CCDC57: variants seen among roughly 807,000 people sequenced by gnomAD.
CCDC57 encodes coiled-coil domain containing 57.
In CCDC57, 118 loss-of-function variants were observed where a neutral mutation model predicts 118.9. That is an observed-to-expected ratio of 0.99 (90% CI 0.86 to 1.16). The LOEUF (loss-of-function observed/expected upper bound fraction) is 1.16, where lower values mean the gene tolerates loss of function less well. Among genes scored for constraint, CCDC57 ranks in the 50% most tolerant of loss-of-function variants. The pLI is 0.00. For missense variants in CCDC57, 1,300 were observed against 1,320.7 expected (o/e 0.98, Z 0.24); for synonymous variants, 527 against 532.9 (o/e 0.99, Z 0.15).
At chr17:82,201,058 T>C (rs1599441166) in intron 3 of CCDC57, among the ~76,000 whole-genome samples, 1 of 152,074 alleles carries the variant, frequency 6.6e-6, no homozygotes, top group Non-Finnish European at 1.5e-5. Flanking sequence ...CATGGCTGGG[T>C]GAGTGGAGCT....
At chr17:82,153,075 CT>C (rs893800457) in intron 15 of CCDC57, among the ~76,000 whole-genome samples, 4 of 152,212 alleles carry the variant, frequency 2.6e-5, no homozygotes, top group Non-Finnish European at 4.4e-5. Flanking sequence ...GGCCTCATGC[CT>C]GCTCCGTGAG....
chr17:82,172,600 TTCC>T lies in CCDC57; in HGVS notation c.1729+35_1729+37del. ...CTGTCCTCCTCCCTCCCTCTCCCCC[TTCC>T]TCTCCCGCTCTGTCCGTTTCTCCCA... On this transcript the variant is annotated intron_variant, in intron 12 of 19. Transcript: ENST00000665763. This position sits in a 1 kb window ranked among gnomAD's most constrained non-coding sequence, Gnocchi z 5.2. 6.6e-7 allele frequency: 1 copy of T among 1,525,302 alleles called. No homozygotes were observed. Among genetic ancestry groups the T allele is most frequent in the Non-Finnish European group, 8.9e-7 (1 of 1,124,968 alleles). 94.5% of individuals were successfully genotyped at this position (1,525,302 alleles called of 1,614,324 possible). A position where few individuals can be genotyped will look rare whatever the true frequency, so the allele number is the denominator to read the frequency against.
rs577342436 is a variant in CCDC57, at chr17:82,195,312, C to T, written c.569G>A (p.Arg190His). Residue 190 changes from arginine (R) to histidine (H), a missense_variant, in exon 5 of 20, where the codon CGT becomes CAT. By Grantham distance (29) the Arg-to-His change is conservative (BLOSUM62 0). Coordinates refer to ENST00000665763, the Ensembl canonical transcript of CCDC57. ...GTTGCTCATGTTGTCAGCCTGCAGA[C>T]GGAATTCGTGCTCCCTCTTCCGCAT... The T allele has an allele frequency of 3.0e-4, 478 of 1,602,728 alleles. 2 individuals are homozygous for T. The highest frequency in any genetic ancestry group is 2.3e-3 in the South Asian group (201 of 88,240).
chr17:82,210,192 T>C (rs529101277), intron 1 of CCDC57, among the ~76,000 whole-genome samples: 155 of 152,076 alleles, frequency 1.0e-3, no homozygotes, highest in African/African-American at 3.7e-3. Context: ...AATAAAAAGA[T>C]GCACTAACAC....
At chr17:82,113,203 G>C (rs1245676805) in intron 19 of CCDC57, 3 of 598,244 alleles carry the variant, frequency 5.0e-6, no homozygotes, top group Non-Finnish European at 8.9e-6. Context: ...GAAGCCACAG[G>C]TCATGATAAT....
intron 19 of CCDC57, among the ~76,000 whole-genome samples, chr17:82,114,530 A>G (rs1315749792): frequency 6.6e-6 from 1 of 152,220 alleles, no homozygotes; most frequent in Non-Finnish European, 1.5e-5. Flanking sequence ...GACCCCAGGC[A>G]GGGGAGGGAG....
chr17:82,171,912 C>T, intron 12 of CCDC57, 59 bp from the exon 12 acceptor site: 3 of 1,564,650 alleles, frequency 1.9e-6, no homozygotes, highest in Non-Finnish European at 2.6e-6. Context: ...GCACCTCCCT[C>T]CTGTGAGCAC....
chr17:82,191,703 G>C (rs1036596356), intron 7 of CCDC57, among the ~76,000 whole-genome samples: 5 of 152,038 alleles, frequency 3.3e-5, no homozygotes, highest in Non-Finnish European at 7.4e-5. Flanking sequence ...GTCTCACTTT[G>C]TCACCCAGGG....
In CCDC57 at chr17:82,128,479, G is replaced by T; in HGVS notation, c.2682+14C>A. On this transcript the variant is annotated intron_variant, in intron 18 of 19. Coordinates refer to ENST00000665763, the Ensembl canonical transcript of CCDC57. ...CCCACACAGCTGCACTTGCTCGGGC[G>T]CCGCCACTCTCACCTTCGGGCCTTG... The T allele has an allele frequency of 1.3e-6, 2 of 1,533,256 alleles. No homozygotes were observed. The allele number at this position is 1,533,256 out of a possible 1,614,324, so 95.0% of individuals were successfully genotyped here.
rs888649650 is a variant in CCDC57 at position 82,195,127 on chromosome 17, G to T, written c.618+136C>A. ...GGGCATCCACATGGCCCACCTGCTC[G>T]CTGGGCTTGAACTCCTGGGCCCAAG... On this transcript the variant is annotated intron_variant, in intron 5 of 19. Coordinates refer to ENST00000665763, the Ensembl canonical transcript of CCDC57. 11 of 697,786 alleles carry T rather than the reference G, an allele frequency of 1.6e-5. No homozygotes were observed. In the Admixed American group the frequency reaches 1.8e-4, roughly 12 times the overall value. The allele number at this position is 697,786 out of a possible 1,614,324, so 43.2% of individuals were successfully genotyped here.
chr17:82,125,165 C>T (rs1280793822), intron 19 of CCDC57, among the ~76,000 whole-genome samples: 1 of 152,092 alleles, frequency 6.6e-6, no homozygotes, highest in Non-Finnish European at 1.5e-5. Flanking sequence ...GAAGCTGCGT[C>T]AATCCTAAGA....
At position 82,182,281 on chromosome 17, in the gene CCDC57, CA is replaced by C. The variant is rs35054649; in HGVS notation, c.1211+1492del. Among the ~76,000 whole-genome samples, 1,103 of 126,952 alleles carry C rather than the reference CA, an allele frequency of 8.7e-3. 11 individuals carry two copies. The highest frequency in any genetic ancestry group is 0.025 in the African/African-American group (854 of 34,114). The allele number at this position is 126,952 out of a possible 152,430, so 83.3% of individuals were successfully genotyped here. A position where few individuals can be genotyped will look rare whatever the true frequency, so the allele number is the denominator to read the frequency against. ...TATTTCAGTCAATGGAAGTATTTAA[CA>C]AAAAAAAAAAAGAATGCTGGAAGGA... On this transcript the variant is annotated intron_variant, in intron 9 of 19. Coordinates refer to ENST00000665763, the Ensembl canonical transcript of CCDC57.
chr17:82,101,752 C>G, exon 20 of CCDC57: 1 of 1,609,708 alleles, frequency 6.2e-7, no homozygotes, highest in South Asian at 1.1e-5. Context: ...AGGATGAGAC[C>G]GGGAGGCTCC....
At chr17:82,151,147 G>GAACCTGGCGCACACCCAGAACCTGACCCA (rs778159567) in intron 16 of CCDC57, among the ~76,000 whole-genome samples, 2 of 36,788 alleles carry the variant, frequency 5.4e-5, no homozygotes, top group African/African-American at 1.3e-4. Flanking sequence ...AACCTGACCC[G>GAACCTGGCGCACACCCAGAACCTGACCCA]CACCTAGAAC....
chr17:82,197,706 G>A (rs954702362), intron 4 of CCDC57, among the ~76,000 whole-genome samples: 2 of 152,218 alleles, frequency 1.3e-5, no homozygotes, highest in Non-Finnish European at 1.5e-5. Flanking sequence ...GGTGTTTCCA[G>A]AAGAGACTAG....
intron 19 of CCDC57, among the ~76,000 whole-genome samples, chr17:82,115,190 AC>A (rs1354564730): frequency 1.3e-5 from 2 of 151,252 alleles, no homozygotes; most frequent in Non-Finnish European, 2.9e-5. Flanking sequence ...TGCGGCAACC[AC>A]TGGGGCCGAG....
intron 15 of CCDC57, 180 bp from the exon 15 acceptor site, chr17:82,151,953 G>A (rs1441992714): frequency 6.7e-6 from 4 of 600,130 alleles, no homozygotes; most frequent in Non-Finnish European, 8.8e-6. Context: ...GCTTCAGTGG[G>A]TTCCTTCTCT....
chr17:82,126,711 C>A, intron 19 of CCDC57: 2 of 985,446 alleles, frequency 2.0e-6, no homozygotes, highest in Non-Finnish European at 2.4e-6. Flanking sequence ...ACGCGGGCAG[C>A]CTTGACTACG....
exon 8 of CCDC57, chr17:82,188,275 G>T: frequency 6.3e-7 from 1 of 1,577,172 alleles, no homozygotes. Context: ...ACTCTGCCCT[G>T]CGGAGCTGCG....
Sources: gnomAD v4.1 joint callset for allele counts (sites outside exome capture counted in the v4.1 genomes callset) on GRCh38, gnomAD v4.1.1 for gene constraint, Gnocchi (gnomAD v3.1) non-coding constraint, MANE v1.5 for transcripts, NCBI Gene and HGNC (gene_info 2026-07-23, HGNC 2026-07-21) for gene names.